RNF213: variants seen among roughly 807,000 people sequenced by gnomAD.
The protein encoded by RNF213 is ring finger protein 213.
RNF213 carries 341 observed loss-of-function variants against 514.4 expected under a neutral mutation model. The ratio of observed to expected loss-of-function variants is 0.66; its 90% confidence interval spans 0.61 to 0.73. The LOEUF (loss-of-function observed/expected upper bound fraction) is 0.73, where lower values mean the gene tolerates loss of function less well. Among genes scored for constraint, RNF213 ranks in the 30% least tolerant of loss-of-function variants. The pLI is 0.00. For missense variants in RNF213, 5,767 were observed against 6,615.6 expected, an observed-to-expected ratio of 0.87 and a Z score of 4.45; for synonymous variants, 2,655 against 2,658.2, an observed-to-expected ratio of 1.00 and a Z score of 0.04.
intron 64 of RNF213, 76 bp downstream of exon 64, chr17:80,388,765 T>A: frequency 8.7e-7 from 1 of 1,143,358 alleles, no homozygotes; most frequent in South Asian, 1.2e-5. Context: ...TTAGGCCTAC[T>A]CCAGCCTTGC....
At chr17:80,378,955 C>T (rs1568159933) in intron 54 of RNF213, among the ~76,000 whole-genome samples, 2 of 152,180 alleles carry the variant, frequency 1.3e-5, no homozygotes, top group Admixed American at 1.3e-4. Flanking sequence ...AGGTGGATTG[C>T]TAGATCCCAG....
In RNF213 at chr17:80,362,227, C is replaced by T. The variant is rs150360192; in HGVS notation, c.11355+339C>T. Among the ~76,000 whole-genome samples the T allele has an allele frequency of 7.4e-3, 1,129 of 152,106 alleles. 11 individuals are homozygous for T. Among genetic ancestry groups the T allele is most frequent in the African/African-American group, 0.026 (1,066 of 41,482 alleles). ...ACTAACCCTACAGGGTAAGAATAAA[C>T]AAGTGAAATTCAATAGAAAGTCATA... On this transcript the variant is annotated intron_variant, in intron 39 of 67. Coordinates refer to ENST00000582970, the MANE Select transcript of RNF213 (RefSeq NM_001256071.3).
At chr17:80,367,175 CAA>C (rs2079308808) in intron 42 of RNF213, among the ~76,000 whole-genome samples, 1 of 152,122 alleles carries the variant, frequency 6.6e-6, no homozygotes, top group Non-Finnish European at 1.5e-5. Context: ...TCATTGATAT[CAA>C]GTTTTAAAAC....
At chr17:80,339,083 A>G in intron 25 of RNF213, 118 bp from the exon 26 acceptor site, 1 of 758,074 alleles carries the variant, frequency 1.3e-6, no homozygotes, top group Non-Finnish European at 2.1e-6. Flanking sequence ...AGCGCAGATC[A>G]TGCAGTGGGC....
At chr17:80,312,455 G>GTGTCTAAGGAACAGGCCCGGGA in intron 14 of RNF213, among the ~76,000 whole-genome samples, 1 of 135,786 alleles carries the variant, frequency 7.4e-6, no homozygotes, top group African/African-American at 2.8e-5. Context: ...GCCTGGCTGT[G>GTGTCTAAGGAACAGGCCCGGGA]GTCTGGCATG....
intron 7 of RNF213, 85 bp downstream of exon 7, chr17:80,290,813 G>GC: frequency 7.7e-7 from 1 of 1,290,574 alleles, no homozygotes; most frequent in Non-Finnish European, 1.1e-6. Context: ...AAAAAATTTT[G>GC]TTTTTTTTTT....
Position 80,347,218 on chromosome 17 carries a change from A to G in RNF213, c.8883A>G (p.Lys2961=). 6.2e-7 allele frequency: 1 copy of G among 1,613,572 alleles called. No individual in the cohort carries two copies. Among genetic ancestry groups the G allele is most frequent in the Non-Finnish European group, 8.5e-7 (1 of 1,179,850 alleles). ...FGLRDYYSLI[K]MVFAAAKASN... The stretch of plus-strand genomic sequence containing the variant: ...TTCGTGACTACTACAGCCTCATCAA[A>G]ATGGTCTTTGCTGCAGCAAAGGCTT... Residue 2961 remains lysine, a synonymous_variant, in exon 29 of 68, where the codon AAA becomes AAG. Coordinates refer to ENST00000582970, the MANE Select transcript of RNF213 (RefSeq NM_001256071.3). The surrounding 1 kb of genome is among the most constrained non-coding windows in gnomAD (Gnocchi z 7.2).
chr17:80,323,998 TGAGA>T (rs1297890775), intron 17 of RNF213, among the ~76,000 whole-genome samples: 1 of 152,036 alleles, frequency 6.6e-6, no homozygotes, highest in African/African-American at 2.4e-5. Context: ...TGTGTGTGCA[TGAGA>T]GAGAGAATTA....
intron 3 of RNF213, among the ~76,000 whole-genome samples, chr17:80,279,557 A>G (rs2044185282): frequency 1.3e-5 from 2 of 151,766 alleles, no homozygotes; most frequent in Non-Finnish European, 2.9e-5. Context: ...CTCCGCGTGC[A>G]GGGTTCAAGC....
At chr17:80,359,627 AAG>A (rs1361713883) in intron 37 of RNF213, among the ~76,000 whole-genome samples, 2 of 151,800 alleles carry the variant, frequency 1.3e-5, no homozygotes, top group African/African-American at 4.8e-5. Context: ...AAAGTAAAGA[AAG>A]AAAGAGTGAG....
chr17:80,389,797 C>G (rs762501640), intron 65 of RNF213, 31 bp from the exon 66 acceptor site: 42 of 1,588,394 alleles, frequency 2.6e-5, no homozygotes, highest in Non-Finnish European at 3.5e-5. Flanking sequence ...GAGACCTCAG[C>G]CCCCACTCAG....
chr17:80,391,045 G>A (rs2080450391), intron 67 of RNF213, among the ~76,000 whole-genome samples: 1 of 152,252 alleles, frequency 6.6e-6, no homozygotes, highest in Middle Eastern at 3.4e-3. Context: ...CTGGGCAACA[G>A]AGGGAGACTT....
chr17:80,278,686 G>T, intron 3 of RNF213: 1 of 1,505,166 alleles, frequency 6.6e-7, no homozygotes, highest in Non-Finnish European at 8.9e-7. Context: ...CCCCTGAGGT[G>T]GGGTCTTTGC....
intron 38 of RNF213, 200 bp downstream of exon 38, chr17:80,360,406 G>A (rs8078251): frequency 0.61 from 389,300 of 636,078 alleles, 125,075 homozygotes; most frequent in Non-Finnish European, 0.69. Context: ...AGAGGCCCCG[G>A]CGGGACCAGA....
rs1599198406 is a variant in RNF213, at chr17:80,383,010, T to G, written c.14010T>G (p.Thr4670=). ...TAAATTTTGACACAGAATTGTCAAC[T>G]AAAGAAATGAGGAACAACTGGGAAA... The part of the protein sequence containing the change: ...RLLNFDTELS[T]KEMRNNWEKE... Residue 4670 remains threonine (T), a synonymous_variant, in exon 58 of 68, where the codon ACT becomes ACG. Coordinates refer to ENST00000582970, the MANE Select transcript of RNF213 (RefSeq NM_001256071.3). The G allele has an allele frequency of 1.2e-6, 2 of 1,613,984 alleles. No individual in the cohort carries two copies. The highest frequency in any genetic ancestry group is 4.5e-5 in the East Asian group (2 of 44,880).
chr17:80,299,807 C>G (rs755811697), intron 11 of RNF213, among the ~76,000 whole-genome samples: 7 of 151,938 alleles, frequency 4.6e-5, no homozygotes, highest in Non-Finnish European at 8.8e-5. Context: ...AAGTGAGAAC[C>G]TGCGGTATTT....
Position 80,361,805 on chromosome 17 carries a change from G to C in RNF213, c.11272G>C (p.Glu3758Gln), listed in dbSNP as rs545963983. The C allele has an allele frequency of 5.6e-6, 9 of 1,614,096 alleles. No individual in the cohort carries two copies. Among genetic ancestry groups the C allele is most frequent in the South Asian group, 1.1e-5 (1 of 91,064 alleles). ...LGRFLAQLHG[E>Q]PQQELLQCYL... Reference sequence around the variant, plus strand: ...CAGGTTTCTTGCCCAGCTCCATGGAGAGCCGCAGCAGGAACTTCTTCAGTG... The same window carrying C: ...CAGGTTTCTTGCCCAGCTCCATGGACAGCCGCAGCAGGAACTTCTTCAGTG... Residue 3758 changes from glutamate to glutamine, a missense_variant, in exon 39 of 68, where the codon GAG becomes CAG. Glu to Gln is a conservative substitution (Grantham distance 29). Around this residue, in one of 13 missense-constraint regions of RNF213, gnomAD observed 355 missense variants for 358.0 expected, o/e 0.99. Transcript: ENST00000582970.
At chr17:80,351,012 GTCTGATGC>G (rs1272181195) in intron 31 of RNF213, among the ~76,000 whole-genome samples, 1 of 152,218 alleles carries the variant, frequency 6.6e-6, no homozygotes, top group Non-Finnish European at 1.5e-5. Flanking sequence ...TGTAGGGGAA[GTCTGATGC>G]TCTTAGAATT....
At position 80,319,245 on chromosome 17, in the gene RNF213, G is replaced by C. The variant is rs1233268227; in HGVS notation, c.2957G>C (p.Gly986Ala). Residue 986 changes from glycine (G) to alanine (A), a missense_variant, in exon 17 of 68, where the codon GGC (glycine) becomes GCC (alanine). Around this residue, in one of 13 missense-constraint regions of RNF213, gnomAD observed 516 missense variants for 566.5 expected, o/e 0.91. Transcript: ENST00000582970. ...AYCNSCWDTK[G>A]LEDSVAKTFE... ...TGCAATAGTTGCTGGGACACCAAAGGCTTAGAGGACAGTGTGGCCAAGACC... is the reference window on the plus strand; with the variant it reads ...TGCAATAGTTGCTGGGACACCAAAGCCTTAGAGGACAGTGTGGCCAAGACC... 2 of 1,614,078 alleles carry C rather than the reference G, an allele frequency of 1.2e-6. No homozygotes were observed. Among genetic ancestry groups the C allele is most frequent in the Non-Finnish European group, 1.7e-6 (2 of 1,180,048 alleles).
Sources: allele counts gnomAD v4.1 joint callset (sites outside exome capture counted in the v4.1 genomes callset), GRCh38; gene constraint gnomAD v4.1.1; regional missense constraint gnomAD v4.1.1; non-coding constraint Gnocchi (gnomAD v3.1); transcripts MANE v1.5; gene names NCBI Gene and HGNC (gene_info 2026-07-23, HGNC 2026-07-21).